CLINT1: variants seen among roughly 807,000 people sequenced by gnomAD.
CLINT1 encodes clathrin interactor 1, also known as clathrin interacting protein localized in the trans-Golgi region.
CLINT1 carries 15 observed loss-of-function variants against 70.4 expected under a neutral mutation model. The observed-to-expected ratio is 0.21, with a 90% CI of 0.14 to 0.33. CLINT1 has a LOEUF of 0.33. CLINT1 is among the 10% of genes least tolerant of loss of function. CLINT1 has a pLI of 1.00. For synonymous variants in CLINT1, 227 were observed against 254.7 expected, an observed-to-expected ratio of 0.89 and a Z score of 1.04; for missense variants, 615 against 778.1, an observed-to-expected ratio of 0.79 and a Z score of 2.49.
chr5:157,815,683 C>T (rs568687932), intron 3 of CLINT1, among the ~76,000 whole-genome samples: 1 of 152,272 alleles, frequency 6.6e-6, no homozygotes, highest in South Asian at 2.1e-4. Context: ...TAGGCAATTT[C>T]GTCATTGTAT....
At chr5:157,812,782 G>A (rs1762603310) in intron 5 of CLINT1, among the ~76,000 whole-genome samples, 1 of 152,124 alleles carries the variant, frequency 6.6e-6, no homozygotes, top group Non-Finnish European at 1.5e-5. Context: ...AATCCTAAGA[G>A]GGAAGGGCAT....
At chr5:157,830,790 C>CTATATATATA (rs1354149727) in intron 1 of CLINT1, among the ~76,000 whole-genome samples, 1 of 124,202 alleles carries the variant, frequency 8.1e-6, no homozygotes, top group African/African-American at 3.2e-5. Flanking sequence ...CTCTCTCTCT[C>CTATATATATA]TCTCTCTATA....
At chr5:157,820,836 G>A (rs1341093278) in intron 1 of CLINT1, among the ~76,000 whole-genome samples, 1 of 152,074 alleles carries the variant, frequency 6.6e-6, no homozygotes, top group South Asian at 2.1e-4. Flanking sequence ...TATCACAGAC[G>A]CTAGAGGGGG....
chr5:157,828,447 A>C (rs3777069), intron 1 of CLINT1, among the ~76,000 whole-genome samples: 19,411 of 152,170 alleles, frequency 0.13, 1,307 homozygotes, highest in Admixed American at 0.16. Flanking sequence ...ATAGAAGAAG[A>C]AGCCTCATAA....
Position 157,787,532 on chromosome 5 carries a change from A to G in CLINT1, c.*114T>C. The G allele has an allele frequency of 1.1e-6, 1 of 925,786 alleles. No homozygotes were observed. The allele number at this position is 925,786 out of a possible 1,614,324, so 57.3% of individuals were successfully genotyped here. On this transcript the variant is annotated 3_prime_UTR_variant, in exon 12 of 12. Transcript: ENST00000411809. ...ACAGCCTTTTTGGTTCTTTATGTAG[A>G]TTTATTTTAATTACTTGATAAAAGA...
intron 1 of CLINT1, among the ~76,000 whole-genome samples, chr5:157,847,419 G>A (rs1452891113): frequency 1.3e-5 from 2 of 152,062 alleles, no homozygotes; most frequent in East Asian, 1.9e-4. Context: ...GCTGAGGCAG[G>A]AGAATGGCGT....
At position 157,787,410 on chromosome 5, in the gene CLINT1, TGTGGTCTATCCTC is replaced by T; in HGVS notation, c.*223_*235del. On this transcript the variant is annotated 3_prime_UTR_variant, in exon 12 of 12. Coordinates refer to ENST00000411809, the MANE Select transcript of CLINT1 (RefSeq NM_014666.4). ...GCTTTCAATGGTCTCACCACCCACT[TGTGGTCTATCCTC>T]ACTGGAAAAAAATGATTTTGACTGC... 1.8e-6 allele frequency: 1 copy of T among 543,128 alleles called. No homozygotes were observed. The highest frequency in any genetic ancestry group is 3.1e-5 in the East Asian group (1 of 32,298). 33.6% of individuals were successfully genotyped at this position (543,128 alleles called of 1,614,324 possible).
At chr5:157,792,296 C>T (rs1314589723) in intron 9 of CLINT1, among the ~76,000 whole-genome samples, 1 of 152,040 alleles carries the variant, frequency 6.6e-6, no homozygotes, top group East Asian at 1.9e-4. Flanking sequence ...GCCTGTAATC[C>T]CAGGACTTTG....
At chr5:157,829,689 ATTTTTTTTTTT>A (rs3075709) in intron 1 of CLINT1, among the ~76,000 whole-genome samples, 39 of 109,152 alleles carry the variant, frequency 3.6e-4, no homozygotes, top group Non-Finnish European at 5.5e-4. Flanking sequence ...ACACCCAGCT[ATTTTTTTTTTT>A]TTTTTTTTTT....
chr5:157,843,205 G>C (rs1561672206), intron 1 of CLINT1, among the ~76,000 whole-genome samples: 2 of 152,036 alleles, frequency 1.3e-5, no homozygotes, highest in East Asian at 3.9e-4. Flanking sequence ...CTATTAATTG[G>C]AACCTAAAAA....
chr5:157,851,852 G>C (rs1188670044), intron 1 of CLINT1, among the ~76,000 whole-genome samples: 2 of 151,988 alleles, frequency 1.3e-5, no homozygotes, highest in Non-Finnish European at 2.9e-5. Flanking sequence ...GCTATAAATT[G>C]GCTCAAACAT....
chr5:157,789,870 T>G (rs927726537), intron 10 of CLINT1: 11 of 327,790 alleles, frequency 3.4e-5, no homozygotes, highest in African/African-American at 2.4e-4. Flanking sequence ...TAGTACAGCT[T>G]TAAGGAGATA....
chr5:157,819,423 T>C (rs1039245719), intron 1 of CLINT1, among the ~76,000 whole-genome samples: 7 of 152,120 alleles, frequency 4.6e-5, no homozygotes. Context: ...CACCCCCCCT[T>C]AAAAATGTTA....
intron 6 of CLINT1, among the ~76,000 whole-genome samples, chr5:157,806,788 G>A (rs1762398487): frequency 6.6e-6 from 1 of 152,072 alleles, no homozygotes; most frequent in Non-Finnish European, 1.5e-5. Context: ...ATATTTTAAA[G>A]ATAATTCTCC....
intron 1 of CLINT1, among the ~76,000 whole-genome samples, chr5:157,834,459 T>C (rs1763351272): frequency 6.6e-6 from 1 of 152,188 alleles, no homozygotes; most frequent in Non-Finnish European, 1.5e-5. Flanking sequence ...ACAAAAATTC[T>C]TAAATAGCTT....
At chr5:157,837,832 C>T (rs555606559) in intron 1 of CLINT1, among the ~76,000 whole-genome samples, 17 of 151,646 alleles carry the variant, frequency 1.1e-4, no homozygotes, top group South Asian at 4.2e-4. Context: ...TTAGTAGAGA[C>T]GGGGTTTCAC....
Position 157,787,609 on chromosome 5 carries a change from A to C in CLINT1, c.*37T>G. The C allele has an allele frequency of 1.3e-6, 2 of 1,566,234 alleles. No homozygotes were observed. The highest frequency in any genetic ancestry group is 1.8e-6 in the Non-Finnish European group (2 of 1,141,152). ...CCCAACATCACCTATCTGCACAGCTAAAAATTCTTCATTCAATCTGCTTCT... is the reference window on the plus strand; with the variant it reads ...CCCAACATCACCTATCTGCACAGCTCAAAATTCTTCATTCAATCTGCTTCT... On this transcript the variant is annotated 3_prime_UTR_variant, in exon 12 of 12. Coordinates refer to ENST00000411809, the MANE Select transcript of CLINT1 (RefSeq NM_014666.4).
At chr5:157,844,454 CAT>C (rs1410462332) in intron 1 of CLINT1, among the ~76,000 whole-genome samples, 9 of 152,164 alleles carry the variant, frequency 5.9e-5, no homozygotes, top group East Asian at 1.9e-4. Context: ...AGATCTGTCA[CAT>C]GTCTTATAGT....
intron 1 of CLINT1, among the ~76,000 whole-genome samples, chr5:157,836,843 T>C (rs1253462811): frequency 6.6e-6 from 1 of 152,244 alleles, no homozygotes; most frequent in South Asian, 2.1e-4. Context: ...CCACTCATCA[T>C]TCTTAACTGC....
Sources: gnomAD v4.1 joint callset for allele counts (sites outside exome capture counted in the v4.1 genomes callset) on GRCh38, gnomAD v4.1.1 for gene constraint, MANE v1.5 for transcripts, NCBI Gene and HGNC (gene_info 2026-07-23, HGNC 2026-07-21) for gene names.